The following DLGAP2 variants were observed in gnomAD, a reference collection of about 807,000 sequenced individuals.
The protein encoded by DLGAP2 is disks large-associated protein 2.
Under a neutral mutation model 100.3 loss-of-function variants are expected in DLGAP2, and 26 were observed. That is an observed-to-expected ratio of 0.26 (90% CI 0.19 to 0.36). The LOEUF (loss-of-function observed/expected upper bound fraction) is 0.36, where lower values mean the gene tolerates loss of function less well. Ranked by LOEUF, DLGAP2 falls within the 10% of genes least tolerant of loss-of-function variation. DLGAP2 has a pLI of 1.00. For synonymous variants in DLGAP2, 886 were observed against 630.1 expected (o/e 1.41, Z -6.08); for missense variants, 1,858 against 1,453.2 (o/e 1.28, Z -4.53).
At chr8:1,202,250 G>A (rs1326989689) in intron 2 of DLGAP2, among the ~76,000 whole-genome samples, 1 of 78,174 alleles carries the variant, frequency 1.3e-5, no homozygotes, top group East Asian at 4.2e-4. Context: ...CAGTGTGTGT[G>A]TGTGTGTGTG....
At chr8:1,580,162 C>T (rs1054077298) in intron 6 of DLGAP2, among the ~76,000 whole-genome samples, 1 of 152,208 alleles carries the variant, frequency 6.6e-6, no homozygotes, top group African/African-American at 2.4e-5. Context: ...ATACAAGATT[C>T]AGAAGTGACA....
rs570830878 is a variant in DLGAP2 at position 1,593,022 on chromosome 8, G to A, written c.1442+27128G>A. Among the ~76,000 whole-genome samples the A allele has an allele frequency of 2.6e-5, 4 of 152,214 alleles. No individual in the cohort carries two copies. The South Asian group carries it at 8.3e-4, about 32-fold the overall frequency. ...CAAATTATTTATTAATTCAGCATTT[G>A]TGATTATACATTGCAATAGTAAAAA... On this transcript the variant is annotated intron_variant, in intron 6 of 14. Transcript: ENST00000637795.
chr8:1,182,817 T>C (rs903271064), intron 2 of DLGAP2, among the ~76,000 whole-genome samples: 19 of 152,148 alleles, frequency 1.2e-4, no homozygotes, highest in African/African-American at 4.6e-4. Flanking sequence ...TCGGCAACTC[T>C]GGGCAGTGGC....
intron 6 of DLGAP2, among the ~76,000 whole-genome samples, chr8:1,588,325 A>G (rs559586564): frequency 2.6e-5 from 4 of 152,296 alleles, no homozygotes; most frequent in African/African-American, 7.2e-5. Context: ...AAAGAGTCCA[A>G]TCTGTAAGAT....
intron 3 of DLGAP2, among the ~76,000 whole-genome samples, chr8:1,307,200 T>G (rs1442564932): frequency 6.6e-6 from 1 of 152,076 alleles, no homozygotes; most frequent in Non-Finnish European, 1.5e-5. Flanking sequence ...CAAAATAATC[T>G]GATTCAAAAA....
chr8:1,547,636 G>A (rs562892714), intron 4 of DLGAP2, among the ~76,000 whole-genome samples: 10 of 152,310 alleles, frequency 6.6e-5, no homozygotes, highest in African/African-American at 2.4e-4. Flanking sequence ...CGCCTTCCCA[G>A]GGAGAGAGGA....
At chr8:1,439,661 G>T (rs1231778376) in intron 3 of DLGAP2, among the ~76,000 whole-genome samples, 2 of 152,106 alleles carry the variant, frequency 1.3e-5, no homozygotes, top group African/African-American at 4.8e-5. Flanking sequence ...ACAGGGTCTC[G>T]AAACTGAAAC....
At chr8:1,460,022 C>G (rs1307315476) in intron 3 of DLGAP2, among the ~76,000 whole-genome samples, 1 of 152,182 alleles carries the variant, frequency 6.6e-6, no homozygotes, top group African/African-American at 2.4e-5. Flanking sequence ...TAAACCTTTT[C>G]ACGTTCTGGA....
chr8:820,437 G>A (rs1186122070), intron 1 of DLGAP2, among the ~76,000 whole-genome samples: 1 of 152,162 alleles, frequency 6.6e-6, no homozygotes, highest in Non-Finnish European at 1.5e-5. Context: ...CATTTGCAAT[G>A]TGTAGAATAG....
intron 3 of DLGAP2, among the ~76,000 whole-genome samples, chr8:1,359,348 C>T (rs931994519): frequency 2.6e-5 from 4 of 152,214 alleles, no homozygotes; most frequent in Non-Finnish European, 4.4e-5. Flanking sequence ...GGCACTCCGG[C>T]GCAGTTTAGG....
chr8:1,606,995 G>A (rs893556784), intron 6 of DLGAP2, among the ~76,000 whole-genome samples: 1 of 152,282 alleles, frequency 6.6e-6, no homozygotes, highest in Admixed American at 6.5e-5. Flanking sequence ...TCCTGTATGA[G>A]TTTTATGTGG....
chr8:1,467,440 C>T (rs1010638062), intron 3 of DLGAP2, among the ~76,000 whole-genome samples: 4 of 151,466 alleles, frequency 2.6e-5, no homozygotes, highest in African/African-American at 9.7e-5. Flanking sequence ...GACCCAGGAC[C>T]CCCACTCACC....
chr8:1,484,995 C>T (rs779004988), intron 3 of DLGAP2, among the ~76,000 whole-genome samples: 6 of 152,112 alleles, frequency 3.9e-5, no homozygotes, highest in Non-Finnish European at 5.9e-5. Context: ...TCTTAAATTC[C>T]GCTAATAATA....
At chr8:1,146,167 A>G (rs564085848) in intron 2 of DLGAP2, among the ~76,000 whole-genome samples, 10 of 152,304 alleles carry the variant, frequency 6.6e-5, no homozygotes, top group African/African-American at 1.9e-4. Context: ...CAGCCTCTCC[A>G]CAGGAGCCCC....
In DLGAP2 at chr8:1,554,811, C is replaced by T. The variant is rs547756417; in HGVS notation, c.1230+5128C>T. ...GCCCACCACCCTCACGGTATCCCCA[C>T]CAGTTCAGGAAGGCTGGCGTTGTGG... On this transcript the variant is annotated intron_variant, in intron 5 of 14. Transcript: ENST00000637795. Among the ~76,000 whole-genome samples, 3 of 152,006 alleles carry T rather than the reference C, an allele frequency of 2.0e-5. No individual in the cohort carries two copies. In the South Asian group the frequency reaches 6.2e-4, roughly 32 times the overall value.
chr8:1,112,349 T>A (rs1452393705), intron 2 of DLGAP2, among the ~76,000 whole-genome samples: 1 of 147,700 alleles, frequency 6.8e-6, no homozygotes, highest in Non-Finnish European at 1.5e-5. Flanking sequence ...CATGCCATAC[T>A]CCTGACTCAG....
intron 6 of DLGAP2, among the ~76,000 whole-genome samples, chr8:1,613,406 C>G (rs866238297): frequency 1.2e-4 from 17 of 140,286 alleles, no homozygotes; most frequent in Admixed American, 2.9e-4. Flanking sequence ...GTGGGGGGAG[C>G]GGGGAGGGAT....
Position 1,238,478 on chromosome 8 carries a change from A to G in DLGAP2, c.74-20373A>G, listed in dbSNP as rs140032363. ...GTGTCTAGTTCTCTCACATGGCACC[A>G]TGTCTGCTTCTCTCACATGGCGCCG... On this transcript the variant is annotated intron_variant, in intron 2 of 14. Transcript: ENST00000637795. 6.9e-3 allele frequency among the ~76,000 whole-genome samples: 830 copies of G among 120,278 alleles called. 25 individuals are homozygous for G. The highest frequency in any genetic ancestry group is 0.023 in the African/African-American group (778 of 33,480). The allele number at this position is 120,278 out of a possible 152,430, so 78.9% of individuals were successfully genotyped here.
intron 5 of DLGAP2, among the ~76,000 whole-genome samples, chr8:1,556,937 A>C (rs1801985139): frequency 6.6e-6 from 1 of 152,148 alleles, no homozygotes; most frequent in South Asian, 2.1e-4. Context: ...CAAGCTCAGC[A>C]CAGCGGGATG....
Sources: gnomAD v4.1 joint callset for allele counts (sites outside exome capture counted in the v4.1 genomes callset) on GRCh38, gnomAD v4.1.1 for gene constraint, MANE v1.5 for transcripts, NCBI Gene and HGNC (gene_info 2026-07-23, HGNC 2026-07-21) for gene names.